CDH20: variants seen among roughly 807,000 people sequenced by gnomAD.
CDH20 encodes the protein cadherin-20.
Under a neutral mutation model 74.2 loss-of-function variants are expected in CDH20, and 29 were observed. That is an observed-to-expected ratio of 0.39 (90% confidence interval 0.29 to 0.53). The LOEUF (loss-of-function observed/expected upper bound fraction) is 0.53. CDH20 is among the 20% of genes least tolerant of loss of function. The probability of loss-of-function intolerance (pLI) is 0.69; values close to 1 mark genes in which losing one functional copy is unlikely to be tolerated. For synonymous variants in CDH20, 469 were observed against 405.4 expected (o/e 1.16, Z -1.88); for missense variants, 988 against 1,048.3 (o/e 0.94, Z 0.79).
At chr18:61,402,437 G>GA (rs970858377) in intron 1 of CDH20, among the ~76,000 whole-genome samples, 1 of 150,036 alleles carries the variant, frequency 6.7e-6, no homozygotes, top group Non-Finnish European at 1.5e-5. Context: ...TATTCAAGGG[G>GA]AAAAAAAAAG....
chr18:61,384,897 T>G (rs1911544584), intron 1 of CDH20, among the ~76,000 whole-genome samples: 1 of 152,092 alleles, frequency 6.6e-6, no homozygotes, highest in Non-Finnish European at 1.5e-5. Context: ...TTCACAAAAT[T>G]CCCACCTTTT....
chr18:61,472,669 A>G (rs929330811), intron 1 of CDH20, among the ~76,000 whole-genome samples: 2 of 152,244 alleles, frequency 1.3e-5, no homozygotes, highest in Admixed American at 1.3e-4. Flanking sequence ...GAATGTGTCA[A>G]TGTAATTCCT....
intron 2 of CDH20, among the ~76,000 whole-genome samples, chr18:61,496,871 A>G (rs1911184207): frequency 1.3e-5 from 2 of 152,188 alleles, no homozygotes; most frequent in East Asian, 1.9e-4. Flanking sequence ...ATATATAAAC[A>G]TACACCTATA....
intron 4 of CDH20, among the ~76,000 whole-genome samples, chr18:61,501,787 A>AAGAG (rs956493353): frequency 7.2e-5 from 11 of 152,150 alleles, no homozygotes; most frequent in Non-Finnish European, 1.0e-4. Flanking sequence ...GGGGAGAATG[A>AAGAG]AGAGAGGAAG....
intron 1 of CDH20, among the ~76,000 whole-genome samples, chr18:61,452,663 C>T (rs1192200947): frequency 6.6e-6 from 1 of 151,864 alleles, no homozygotes; most frequent in Non-Finnish European, 1.5e-5. Flanking sequence ...TAATCTTGGC[C>T]CCAAATATGC....
At chr18:61,335,324 C>A (rs913955953) in intron 1 of CDH20, among the ~76,000 whole-genome samples, 46 of 152,228 alleles carry the variant, frequency 3.0e-4, no homozygotes, top group African/African-American at 1.1e-3. Flanking sequence ...TGGTTGCCAA[C>A]TCTTGGCTTG....
intron 1 of CDH20, among the ~76,000 whole-genome samples, chr18:61,373,010 A>G (rs573776911): frequency 6.6e-6 from 1 of 152,252 alleles, no homozygotes; most frequent in East Asian, 1.9e-4. Context: ...GACAAGTACA[A>G]GAATGTTTGG....
At chr18:61,462,503 T>C (rs1460140190) in intron 1 of CDH20, among the ~76,000 whole-genome samples, 2 of 152,012 alleles carry the variant, frequency 1.3e-5, no homozygotes, top group African/African-American at 2.4e-5. Context: ...CTTCAACATA[T>C]CTTCTAGGAG....
rs1909789586 is a variant in CDH20, at chr18:61,461,876, A to T, written c.-152-28526A>T. Among the ~76,000 whole-genome samples, 3 of 151,868 alleles carry T rather than the reference A, an allele frequency of 2.0e-5. No homozygotes were observed. In the South Asian group the frequency reaches 6.3e-4, roughly 32 times the overall value. ...GCTGAAGTGAAGTTATAAAGGTTAC[A>T]CTCCTATGCGAACGTCTGATTGGTT... On this transcript the variant is annotated intron_variant, in intron 1 of 11. Transcript: ENST00000262717.
At chr18:61,352,025 T>A (rs1271047586) in intron 1 of CDH20, among the ~76,000 whole-genome samples, 2 of 152,224 alleles carry the variant, frequency 1.3e-5, no homozygotes, top group African/African-American at 4.8e-5. Context: ...ATGTTTTTGA[T>A]CTTTGACCTT....
At chr18:61,421,808 G>A (rs566668305) in intron 1 of CDH20, among the ~76,000 whole-genome samples, 9 of 152,230 alleles carry the variant, frequency 5.9e-5, no homozygotes, top group African/African-American at 1.9e-4. Flanking sequence ...AGATAATCAT[G>A]AGTCTTGCTT....
intron 2 of CDH20, among the ~76,000 whole-genome samples, chr18:61,491,937 T>C (rs1046005260): frequency 2.6e-5 from 4 of 152,084 alleles, no homozygotes; most frequent in Admixed American, 2.6e-4. Context: ...CATTTGTTGG[T>C]GGGCTTGTCA....
chr18:61,554,485 G>T lies in CDH20; in HGVS notation c.2196G>T (p.Glu732Asp), dbSNP rs1237072342. The T allele has an allele frequency of 2.5e-6, 4 of 1,612,910 alleles. No homozygotes were observed. Among genetic ancestry groups the T allele is most frequent in the Non-Finnish European group, 1.7e-6 (2 of 1,179,746 alleles). ...VHSYVLAKLYEADMDLWAPPF... is the reference protein window; with the variant it reads ...VHSYVLAKLYDADMDLWAPPF... ...GCTACGTGCTGGCCAAGCTCTACGA[G>T]GCCGACATGGACCTGTGGGCACCGC... The change falls in exon 12 of 12, where the codon GAG (glutamate) becomes GAT (aspartate). Residue 732 changes from glutamate (E) to aspartate (D), a missense_variant. By Grantham distance (45) the Glu-to-Asp change is conservative (BLOSUM62 2). This residue lies in a region of CDH20 where 375 missense variants were observed against 293.1 expected (regional missense o/e 1.28). Transcript: ENST00000262717.
In CDH20 at chr18:61,539,089, C is replaced by T; in HGVS notation, c.1474C>T (p.Pro492Ser). 6.2e-7 allele frequency: 1 copy of T among 1,613,960 alleles called. No individual in the cohort carries two copies. ...IKVLDVNDNA[P>S]EFPRFYEAFV... ...AGTCTTAGATGTGAATGACAATGCT[C>T]CAGAGTTCCCCAGATTCTATGAAGC... The change falls in exon 9 of 12, where the codon CCA (proline) becomes TCA (serine). Residue 492 changes from proline to serine, a missense_variant. Transcript: ENST00000262717.
Position 61,359,382 on chromosome 18 carries a change from G to GA in CDH20, c.-153+25565dup, listed in dbSNP as rs575899700. On this transcript the variant is annotated intron_variant, in intron 1 of 11. Transcript: ENST00000262717. Reference sequence around the variant, plus strand: ...GGGACAAAAAGCTAGGTGAGCAGCAGAAAAAAAAAATAAAATAAAAAAGAA... The same window carrying GA: ...GGGACAAAAAGCTAGGTGAGCAGCAGAAAAAAAAAAATAAAATAAAAAAGAA... Among the ~76,000 whole-genome samples the GA allele has an allele frequency of 5.1e-3, 532 of 104,722 alleles. 3 individuals are homozygous for GA. The highest frequency in any genetic ancestry group is 7.9e-3 in the Non-Finnish European group (388 of 48,982). 68.7% of individuals were successfully genotyped at this position (104,722 alleles called of 152,430 possible).
chr18:61,536,485 T>A lies in CDH20; in HGVS notation c.1272-8T>A. ...TGCAAATGATGTACGTAATCCATGT[T>A]TCTGCAGATACTCCATTGATAGAAG... On this transcript the variant is annotated splice_polypyrimidine_tract_variant and splice_region_variant and intron_variant, in intron 7 of 11. Transcript: ENST00000262717. 6.2e-7 allele frequency: 1 copy of A among 1,613,240 alleles called. No individual in the cohort carries two copies. Among genetic ancestry groups the A allele is most frequent in the Non-Finnish European group, 8.5e-7 (1 of 1,179,252 alleles).
chr18:61,462,623 A>AT (rs1186259087), intron 1 of CDH20, among the ~76,000 whole-genome samples: 7 of 151,082 alleles, frequency 4.6e-5, no homozygotes, highest in South Asian at 2.1e-4. Context: ...AATTGAAATA[A>AT]TTTTTTTTCA....
chr18:61,541,750 A>G (rs645694), intron 9 of CDH20, among the ~76,000 whole-genome samples: 3 of 152,072 alleles, frequency 2.0e-5, no homozygotes, highest in African/African-American at 7.2e-5. Flanking sequence ...TACTGTCCTC[A>G]GCTTCACATC....
intron 1 of CDH20, among the ~76,000 whole-genome samples, chr18:61,483,452 C>T (rs952815519): frequency 1.3e-5 from 2 of 152,146 alleles, no homozygotes; most frequent in African/African-American, 4.8e-5. Context: ...TTGTGGAATC[C>T]TTGTAAGGAT....
Sources: gnomAD v4.1 joint callset for allele counts (sites outside exome capture counted in the v4.1 genomes callset) on GRCh38, gnomAD v4.1.1 for gene constraint, gnomAD v4.1.1 regional missense constraint, MANE v1.5 for transcripts, NCBI Gene and HGNC (gene_info 2026-07-23, HGNC 2026-07-21) for gene names.